The following SLC17A1 variants were observed in gnomAD, a reference collection of about 807,000 sequenced individuals.
SLC17A1 encodes the protein sodium-dependent phosphate transport protein 1.
SLC17A1 carries 51 observed loss-of-function variants against 53.5 expected under a neutral mutation model. The observed-to-expected ratio is 0.95, with a 90% CI of 0.76 to 1.20. The LOEUF is 1.20. Ranked by LOEUF, SLC17A1 falls within the 50% of genes most tolerant of loss-of-function variation. The probability of loss-of-function intolerance (pLI) is 0.00; values close to 1 mark genes in which losing one functional copy is unlikely to be tolerated. For synonymous variants in SLC17A1, 179 were observed against 198.8 expected (o/e 0.90, Z 0.84); for missense variants, 538 against 568.2 (o/e 0.95, Z 0.54).
chr6:25,742,512 CAAAAA>C, the SLC17A1 span, among the ~76,000 whole-genome samples: 1 of 127,144 alleles, frequency 7.9e-6, no homozygotes, highest in Admixed American at 8.0e-5. Flanking sequence ...AAAAACAATA[CAAAAA>C]AAAAAAAAAA....
rs1258662242 is a variant in SLC17A1 at position 25,819,893 on chromosome 6, G to C, written c.230C>G (p.Pro77Arg). Residue 77 changes from proline (P) to arginine (R), a missense_variant, in exon 4 of 13, where the codon CCA becomes CGA. Coordinates refer to ENST00000244527, the MANE Select transcript of SLC17A1 (RefSeq NM_005074.5). ...NIKNPMYNWS[P>R]DIQGIILSST... ...ACTCAAGATGATTCCCTGGATATCT[G>C]GGCTCCAATTATACATAGGGTTCTA... 1.2e-6 allele frequency: 2 copies of C among 1,612,106 alleles called. No individual in the cohort carries two copies. The highest frequency in any genetic ancestry group is 2.2e-5 in the South Asian group (2 of 90,698).
chr6:25,729,003 T>C, the SLC17A1 span, among the ~76,000 whole-genome samples: 1 of 152,148 alleles, frequency 6.6e-6, no homozygotes, highest in African/African-American at 2.4e-5. Flanking sequence ...GGGGATGGGA[T>C]CATCTCTAAT....
chr6:25,802,640 T>G (rs1003558353), intron 10 of SLC17A1, among the ~76,000 whole-genome samples: 9 of 152,180 alleles, frequency 5.9e-5, no homozygotes, highest in Non-Finnish European at 1.5e-5. Context: ...TATAGACTTC[T>G]AGGTTAACAG....
chr6:25,770,827 C>G, the SLC17A1 span: 2 of 930,790 alleles, frequency 2.1e-6, no homozygotes, highest in Non-Finnish European at 3.5e-6. Context: ...TGGCTTGAAA[C>G]TCATACCTTC....
chr6:25,755,022 G>GAGAC, the SLC17A1 span, among the ~76,000 whole-genome samples: 1 of 139,306 alleles, frequency 7.2e-6, no homozygotes. Flanking sequence ...TAGCTGAACA[G>GAGAC]AGACAGACAG....
the SLC17A1 span, among the ~76,000 whole-genome samples, chr6:25,774,061 C>T: frequency 1.3e-5 from 2 of 152,094 alleles, no homozygotes; most frequent in Non-Finnish European, 2.9e-5. Flanking sequence ...CAAATTCTGC[C>T]TTTGAGAAAA....
At chr6:25,824,805 A>C (rs1308307519) in intron 3 of SLC17A1, among the ~76,000 whole-genome samples, 2 of 152,058 alleles carry the variant, frequency 1.3e-5, no homozygotes, top group South Asian at 4.1e-4. Context: ...CAGATTTAAC[A>C]AATAGAAAAC....
At chr6:25,791,418 A>C (rs1438150810) in intron 12 of SLC17A1, among the ~76,000 whole-genome samples, 2 of 152,216 alleles carry the variant, frequency 1.3e-5, no homozygotes, top group Non-Finnish European at 2.9e-5. Flanking sequence ...CTAGTAATAG[A>C]TATTAAACTA....
chr6:25,830,626 T>C lies in SLC17A1; in HGVS notation c.-50-19A>G. Reference sequence around the variant, plus strand: ...CCACCCACTGTGAGTGCAAAACACGTTGATGTCAGCATAATGTAGAGAGGC... The same window carrying C: ...CCACCCACTGTGAGTGCAAAACACGCTGATGTCAGCATAATGTAGAGAGGC... On this transcript the variant is annotated intron_variant, in intron 1 of 12. Transcript: ENST00000244527. The C allele has an allele frequency of 6.3e-7, 1 of 1,579,000 alleles. No homozygotes were observed. Among genetic ancestry groups the C allele is most frequent in the South Asian group, 1.1e-5 (1 of 90,290 alleles).
the SLC17A1 span, chr6:25,773,129 C>T: frequency 5.7e-6 from 4 of 701,494 alleles, no homozygotes; most frequent in Non-Finnish European, 1.0e-5. Context: ...AGTACCCTCC[C>T]CCATGATAGG....
chr6:25,789,345 C>T (rs1216627848), intron 12 of SLC17A1, among the ~76,000 whole-genome samples: 1 of 151,970 alleles, frequency 6.6e-6, no homozygotes, highest in Non-Finnish European at 1.5e-5. Context: ...AAATTATGAG[C>T]TTTACTAAAA....
chr6:25,749,723 A>T, the SLC17A1 span, among the ~76,000 whole-genome samples: 1 of 152,068 alleles, frequency 6.6e-6, no homozygotes, highest in Non-Finnish European at 1.5e-5. Context: ...ATTATTGTTC[A>T]CAGATACTTG....
At chr6:25,726,974 G>A in the SLC17A1 span, 7 of 1,614,000 alleles carry the variant, frequency 4.3e-6, no homozygotes, top group African/African-American at 1.3e-5. Context: ...CTGTCGTTAA[G>A]ACCCAGAAAA....
the SLC17A1 span, chr6:25,773,349 A>C: frequency 6.2e-7 from 1 of 1,613,934 alleles, no homozygotes; most frequent in Non-Finnish European, 8.5e-7. Flanking sequence ...TCCCTTTATC[A>C]GTGCTGGTGA....
the SLC17A1 span, among the ~76,000 whole-genome samples, chr6:25,755,281 G>A: frequency 3.9e-5 from 6 of 152,100 alleles, no homozygotes; most frequent in African/African-American, 1.4e-4. Context: ...TGGTTCCAGC[G>A]AATTTATGGG....
the SLC17A1 span, among the ~76,000 whole-genome samples, chr6:25,774,532 A>G: frequency 6.6e-6 from 1 of 152,184 alleles, no homozygotes; most frequent in Non-Finnish European, 1.5e-5. Flanking sequence ...AAGCCCCAGG[A>G]GGCAGTGGCT....
the SLC17A1 span, among the ~76,000 whole-genome samples, chr6:25,746,000 A>G: frequency 6.6e-5 from 10 of 152,346 alleles, no homozygotes; most frequent in South Asian, 2.1e-4. Context: ...AAATTCACAT[A>G]TTTGACTTAA....
the SLC17A1 span, among the ~76,000 whole-genome samples, chr6:25,734,330 A>G: frequency 0.27 from 41,304 of 152,100 alleles, 6,822 homozygotes; most frequent in East Asian, 0.7. Flanking sequence ...AAATGTAAGA[A>G]TTTCTGAAAA....
the SLC17A1 span, chr6:25,773,693 C>T: frequency 6.2e-7 from 1 of 1,608,004 alleles, no homozygotes; most frequent in Non-Finnish European, 8.5e-7. Context: ...AGAGAAAGCT[C>T]ATTCTGATCT....
Sources: gnomAD v4.1 joint callset for allele counts (sites outside exome capture counted in the v4.1 genomes callset) on GRCh38, gnomAD v4.1.1 for gene constraint, MANE v1.5 for transcripts, NCBI Gene and HGNC (gene_info 2026-07-23, HGNC 2026-07-21) for gene names.